Variants in PIK3C2A observed in about 807,000 individuals in gnomAD.
The protein encoded by PIK3C2A is phosphatidylinositol-4-phosphate 3-kinase catalytic subunit type 2 alpha, also known as phosphatidylinositol 4-phosphate 3-kinase C2 domain-containing subunit alpha.
Under a neutral mutation model 204.5 loss-of-function variants are expected in PIK3C2A, and 97 were observed. The observed-to-expected ratio is 0.47, with a 90% CI of 0.40 to 0.56. The LOEUF is 0.56. Among genes scored for constraint, PIK3C2A ranks in the 20% least tolerant of loss-of-function variants. The pLI is 0.00. For missense variants in PIK3C2A, 1,735 were observed against 1,969.2 expected, an observed-to-expected ratio of 0.88 and a Z score of 2.25; for synonymous variants, 653 against 664.4, an observed-to-expected ratio of 0.98 and a Z score of 0.26.
intron 4 of PIK3C2A, among the ~76,000 whole-genome samples, chr11:17,149,728 C>CA (rs1484065884): frequency 6.6e-6 from 1 of 151,940 alleles, no homozygotes; most frequent in East Asian, 1.9e-4. Context: ...ACAACAACAA[C>CA]AACAAAAAAA....
chr11:17,149,048 CA>C lies in PIK3C2A; in HGVS notation c.1328-262del, dbSNP rs201275574. Among the ~76,000 whole-genome samples the C allele has an allele frequency of 1.9e-4, 29 of 152,076 alleles. 1 individual carries two copies. Among genetic ancestry groups the C allele is most frequent in the African/African-American group, 6.3e-4 (26 of 41,482 alleles). ...GTTGGTTCTGCATCTGTGGATTCAC[CA>C]ATCTTGGAACAAAAATACTTGAAAA... On this transcript the variant is annotated intron_variant, in intron 4 of 32. Transcript: ENST00000691414.
intron 1 of PIK3C2A, among the ~76,000 whole-genome samples, chr11:17,184,694 G>A (rs1851693010): frequency 6.6e-6 from 1 of 152,242 alleles, no homozygotes; most frequent in South Asian, 2.1e-4. Context: ...CAGCACTTTG[G>A]GTGGCCAAGA....
intron 1 of PIK3C2A, chr11:17,193,482 T>C (rs1406026788): frequency 2.2e-6 from 1 of 446,578 alleles, no homozygotes; most frequent in East Asian, 7.3e-5. Flanking sequence ...TGGCTTAGGG[T>C]GCAGACATGG....
At chr11:17,194,001 C>T (rs1852050130) in intron 1 of PIK3C2A, 1 of 371,686 alleles carries the variant, frequency 2.7e-6, no homozygotes, top group South Asian at 6.8e-5. Context: ...AGAAGCAAAA[C>T]AAGAAGGGCC....
rs572695257 is a variant in PIK3C2A, at chr11:17,168,026, A to G, written c.1065+651T>C. Among the ~76,000 whole-genome samples the G allele has an allele frequency of 7.7e-4, 117 of 152,006 alleles. 3 individuals are homozygous for G. The highest frequency in any genetic ancestry group is 6.2e-3 in the Admixed American group (94 of 15,278). On this transcript the variant is annotated intron_variant, in intron 2 of 32. Coordinates refer to ENST00000691414, the MANE Select transcript of PIK3C2A (RefSeq NM_002645.4). The stretch of plus-strand genomic sequence containing the variant: ...AATTTCTTATTTGCATTTAAAAAAA[A>G]ACAGGAATAAGGAAGAGAAAGAAGG...
chr11:17,207,051 T>C (rs1017699374), intron 1 of PIK3C2A, among the ~76,000 whole-genome samples: 4 of 152,168 alleles, frequency 2.6e-5, no homozygotes, highest in Non-Finnish European at 5.9e-5. Context: ...ACTTTTTTCC[T>C]TAGTTTCTCC....
intron 1 of PIK3C2A, among the ~76,000 whole-genome samples, chr11:17,195,389 G>C (rs1262263631): frequency 6.6e-6 from 1 of 151,280 alleles, no homozygotes; most frequent in African/African-American, 2.4e-5. Context: ...TTCCAACCTG[G>C]TGAAAGAGGA....
rs761013136 is a variant in PIK3C2A at position 17,099,908 on chromosome 11, G to A, written c.4070C>T (p.Ala1357Val). ...SIQDLKYVRD[A>V]LQPQTTDAEA... ...TGCGTCTGTAGTTTGGGGTTGAAGT[G>A]CATCTCTAACGTATTTCAAATCTTG... Residue 1357 changes from alanine (A) to valine (V), a missense_variant, in exon 26 of 33, where the codon GCA becomes GTA. By Grantham distance (64) the Ala-to-Val change is moderately conservative (BLOSUM62 0). This residue lies in a region of PIK3C2A where 503 missense variants were observed against 669.0 expected (regional missense o/e 0.75). Coordinates refer to ENST00000691414, the MANE Select transcript of PIK3C2A (RefSeq NM_002645.4). 6.3e-7 allele frequency: 1 copy of A among 1,597,330 alleles called. No individual in the cohort carries two copies. The highest frequency in any genetic ancestry group is 8.6e-7 in the Non-Finnish European group (1 of 1,165,046).
chr11:17,189,812 C>CTCAA (rs1470086480), intron 1 of PIK3C2A, among the ~76,000 whole-genome samples: 5 of 60,358 alleles, frequency 8.3e-5, no homozygotes. Context: ...GGCTCTGTCT[C>CTCAA]AAAAAAAAAA....
intron 21 of PIK3C2A, among the ~76,000 whole-genome samples, 167 bp downstream of exon 21, chr11:17,112,407 G>A (rs796861578): frequency 2.6e-5 from 4 of 151,704 alleles, no homozygotes; most frequent in African/African-American, 9.7e-5. Context: ...AAGCCGAGAT[G>A]GTGCCACTGC....
intron 18 of PIK3C2A, 130 bp downstream of exon 18, chr11:17,118,515 A>G (rs1223403599): frequency 3.6e-6 from 2 of 549,590 alleles, no homozygotes; most frequent in Admixed American, 7.1e-5. Flanking sequence ...GCTCCTTTAA[A>G]ATAATACCTT....
At chr11:17,099,675 T>C (rs1440643279) in intron 26 of PIK3C2A, among the ~76,000 whole-genome samples, 185 bp downstream of exon 26, 1 of 152,236 alleles carries the variant, frequency 6.6e-6, no homozygotes, top group Admixed American at 6.5e-5. Flanking sequence ...TTAAAAAATA[T>C]TATTGCAAAT....
chr11:17,198,270 C>T (rs903506746), intron 1 of PIK3C2A, among the ~76,000 whole-genome samples: 5 of 151,948 alleles, frequency 3.3e-5, no homozygotes, highest in Non-Finnish European at 5.9e-5. Context: ...CCACCACACC[C>T]GGCTGATTTT....
intron 1 of PIK3C2A, among the ~76,000 whole-genome samples, chr11:17,201,182 G>A (rs1852359933): frequency 1.3e-5 from 2 of 151,528 alleles, no homozygotes; most frequent in Non-Finnish European, 2.9e-5. Context: ...CTCCAGCCTG[G>A]GTTACAGAGC....
At chr11:17,203,560 T>C (rs945557751) in intron 1 of PIK3C2A, among the ~76,000 whole-genome samples, 3 of 152,180 alleles carry the variant, frequency 2.0e-5, no homozygotes, top group Non-Finnish European at 4.4e-5. Context: ...GAACATCATA[T>C]ATGAGTACCA....
chr11:17,203,034 C>A (rs911464189), intron 1 of PIK3C2A, among the ~76,000 whole-genome samples: 2 of 152,174 alleles, frequency 1.3e-5, no homozygotes, highest in Non-Finnish European at 2.9e-5. Context: ...GCCTTCAAAT[C>A]TATTAAAAGA....
intron 1 of PIK3C2A, among the ~76,000 whole-genome samples, chr11:17,200,093 C>G (rs756262092): frequency 6.6e-6 from 1 of 150,524 alleles, no homozygotes; most frequent in African/African-American, 2.4e-5. Context: ...GGATGAGGCA[C>G]GAGAATCGCT....
chr11:17,124,009 T>C (rs2137355209), intron 13 of PIK3C2A, among the ~76,000 whole-genome samples: 1 of 152,238 alleles, frequency 6.6e-6, no homozygotes, highest in African/African-American at 2.4e-5. Flanking sequence ...CAAACAGGCT[T>C]TGAATCTTTG....
At chr11:17,095,451 C>T (rs1329861610) in intron 27 of PIK3C2A, among the ~76,000 whole-genome samples, 4 of 147,820 alleles carry the variant, frequency 2.7e-5, no homozygotes, top group African/African-American at 5.0e-5. Flanking sequence ...ATGAGCCGGG[C>T]GTGGTGGTGG....
Sources: allele counts gnomAD v4.1 joint callset (sites outside exome capture counted in the v4.1 genomes callset), GRCh38; gene constraint gnomAD v4.1.1; regional missense constraint gnomAD v4.1.1; transcripts MANE v1.5; gene names NCBI Gene and HGNC (gene_info 2026-07-23, HGNC 2026-07-21).